Variants in CDH18 observed in about 807,000 individuals in gnomAD.
CDH18 encodes the protein cadherin-18.
CDH18 carries 31 observed loss-of-function variants against 67.9 expected under a neutral mutation model. That is an observed-to-expected ratio of 0.46 (90% CI 0.34 to 0.62). CDH18 has a LOEUF of 0.62. Among genes scored for constraint, CDH18 ranks in the 20% least tolerant of loss-of-function variants. CDH18 has a pLI of 0.01. For synonymous variants in CDH18, 362 were observed against 347.2 expected (o/e 1.04, Z -0.48); for missense variants, 890 against 975.5 (o/e 0.91, Z 1.17).
chr5:20,546,221 A>T (rs1757334262), intron 1 of CDH18, among the ~76,000 whole-genome samples: 1 of 152,084 alleles, frequency 6.6e-6, no homozygotes, highest in Admixed American at 6.5e-5. Flanking sequence ...ACCATTCAAT[A>T]AGTCTCTAGG....
chr5:20,098,062 A>G (rs1456379985), intron 2 of CDH18, among the ~76,000 whole-genome samples: 1 of 151,922 alleles, frequency 6.6e-6, no homozygotes, highest in Admixed American at 6.6e-5. Flanking sequence ...AAGAAAATAG[A>G]ATATATTTTC....
At chr5:20,481,960 G>T (rs1752838281) in intron 1 of CDH18, among the ~76,000 whole-genome samples, 1 of 150,808 alleles carries the variant, frequency 6.6e-6, no homozygotes, top group African/African-American at 2.4e-5. Context: ...TATCAGAGAA[G>T]AAATAAGTGA....
At chr5:19,804,690 T>C (rs889309644) in intron 3 of CDH18, among the ~76,000 whole-genome samples, 2 of 152,184 alleles carry the variant, frequency 1.3e-5, no homozygotes, top group Non-Finnish European at 1.5e-5. Flanking sequence ...TCAGGATGAT[T>C]AGCATGTTGA....
Position 20,010,993 on chromosome 5 carries a change from C to T in CDH18, c.-517-18979G>A, listed in dbSNP as rs1737389449. ...AACTGAAATAATGATCTCTTTATCC[C>T]CTGCACGCACACATCATTACATATT... On this transcript the variant is annotated intron_variant, in intron 2 of 14. Transcript: ENST00000507958. Among the ~76,000 whole-genome samples the T allele has an allele frequency of 1.3e-5, 2 of 152,262 alleles. 1 individual carries two copies. The highest frequency in any genetic ancestry group is 4.8e-5 in the African/African-American group (2 of 41,558).
intron 1 of CDH18, among the ~76,000 whole-genome samples, chr5:20,421,993 C>T (rs1299119319): frequency 6.6e-6 from 1 of 150,758 alleles, no homozygotes; most frequent in African/African-American, 2.5e-5. Flanking sequence ...TTATCTGGCT[C>T]TTTTTCGTGG....
At chr5:19,884,817 A>C (rs997197185) in intron 2 of CDH18, among the ~76,000 whole-genome samples, 3 of 152,070 alleles carry the variant, frequency 2.0e-5, no homozygotes, top group Non-Finnish European at 4.4e-5. Flanking sequence ...AAATTTTTTA[A>C]ACAGTCACTC....
intron 1 of CDH18, among the ~76,000 whole-genome samples, chr5:20,257,353 AT>A (rs1427893495): frequency 6.6e-6 from 1 of 152,136 alleles, no homozygotes; most frequent in East Asian, 1.9e-4. Flanking sequence ...ATTCTACTCT[AT>A]GGAAAATCAT....
intron 2 of CDH18, among the ~76,000 whole-genome samples, chr5:20,248,784 G>C (rs1157276041): frequency 6.6e-6 from 1 of 152,148 alleles, no homozygotes; most frequent in African/African-American, 2.4e-5. Context: ...TTTTGTTTCA[G>C]TTGATATTTT....
At chr5:20,356,402 C>T (rs1015460805) in intron 1 of CDH18, among the ~76,000 whole-genome samples, 1 of 151,796 alleles carries the variant, frequency 6.6e-6, no homozygotes, top group Non-Finnish European at 1.5e-5. Flanking sequence ...AACAAAACCA[C>T]CACAACAACA....
intron 1 of CDH18, among the ~76,000 whole-genome samples, chr5:20,322,140 C>T (rs1217179358): frequency 2.0e-5 from 3 of 152,126 alleles, no homozygotes; most frequent in East Asian, 1.9e-4. Context: ...TTTCATCTTC[C>T]TACTGTAAAC....
At chr5:19,539,746 A>G (rs747681689) in intron 9 of CDH18, among the ~76,000 whole-genome samples, 3 of 152,194 alleles carry the variant, frequency 2.0e-5, no homozygotes, top group Non-Finnish European at 4.4e-5. Flanking sequence ...AGATTTCATG[A>G]GACTTATTCA....
chr5:20,056,483 T>G (rs1156999326), intron 2 of CDH18, among the ~76,000 whole-genome samples: 1 of 128,164 alleles, frequency 7.8e-6, no homozygotes, highest in Non-Finnish European at 1.6e-5. Context: ...CTTTTGTTTT[T>G]TTTTTTTTTT....
intron 1 of CDH18, among the ~76,000 whole-genome samples, chr5:20,338,658 A>G (rs1434272285): frequency 6.6e-6 from 1 of 152,222 alleles, no homozygotes; most frequent in Non-Finnish European, 1.5e-5. Flanking sequence ...TTGCAATGGA[A>G]CTGAAACAAC....
At chr5:19,833,471 G>T (rs1781282463) in intron 3 of CDH18, among the ~76,000 whole-genome samples, 1 of 152,114 alleles carries the variant, frequency 6.6e-6, no homozygotes, top group African/African-American at 2.4e-5. Context: ...TGCAAACAGA[G>T]ACAACTTCAG....
At chr5:20,158,482 T>C (rs893578055) in intron 2 of CDH18, among the ~76,000 whole-genome samples, 1 of 152,192 alleles carries the variant, frequency 6.6e-6, no homozygotes, top group African/African-American at 2.4e-5. Flanking sequence ...AATTTTTCAG[T>C]AAAATAGCTT....
chr5:20,112,604 C>G (rs1261805570), intron 2 of CDH18, among the ~76,000 whole-genome samples: 1 of 152,042 alleles, frequency 6.6e-6, no homozygotes, highest in African/African-American at 2.4e-5. Flanking sequence ...TCCCCAGCTA[C>G]TTGGGAGGCC....
intron 5 of CDH18, among the ~76,000 whole-genome samples, chr5:19,648,268 A>G (rs1358268410): frequency 1.3e-5 from 2 of 151,618 alleles, no homozygotes. Context: ...TACAAAACTT[A>G]GCCTGATGTG....
chr5:20,561,196 C>A lies in CDH18; in HGVS notation c.-580+14266G>T, dbSNP rs143168550. Among the ~76,000 whole-genome samples, 381 of 152,120 alleles carry A rather than the reference C, an allele frequency of 2.5e-3. 2 individuals carry two copies. The highest frequency in any genetic ancestry group is 8.3e-3 in the African/African-American group (346 of 41,514). On this transcript the variant is annotated intron_variant, in intron 1 of 14. Transcript: ENST00000507958. ...CATAGCCATAGTGGAAGACAGTTGG[C>A]CAGTTTTTTACAAAACTAAGCAAAT...
chr5:20,473,235 AAATT>A (rs1752211357), intron 1 of CDH18, among the ~76,000 whole-genome samples: 1 of 152,306 alleles, frequency 6.6e-6, no homozygotes, highest in African/African-American at 2.4e-5. Context: ...CAAAAACAAA[AAATT>A]AAAAAATGCC....
Sources: gnomAD v4.1 joint callset for allele counts (sites outside exome capture counted in the v4.1 genomes callset) on GRCh38, gnomAD v4.1.1 for gene constraint, MANE v1.5 for transcripts, NCBI Gene and HGNC (gene_info 2026-07-23, HGNC 2026-07-21) for gene names.